Variants in STAU2 observed in about 807,000 individuals in gnomAD.
The protein encoded by STAU2 is staufen double-stranded RNA binding protein 2.
A neutral mutation model predicts 65.9 loss-of-function variants in STAU2; 20 were observed. That is an observed-to-expected ratio of 0.30 (90% CI 0.21 to 0.44). The LOEUF (loss-of-function observed/expected upper bound fraction) is 0.44, where lower values mean the gene tolerates loss of function less well. Ranked by LOEUF, STAU2 falls within the 20% of genes least tolerant of loss-of-function variation. The pLI is 1.00. For missense variants in STAU2, 558 were observed against 683.9 expected (o/e 0.82, Z 2.05); for synonymous variants, 232 against 233.9 (o/e 0.99, Z 0.07).
At chr8:73,716,987 C>G (rs547681452) in intron 3 of STAU2, among the ~76,000 whole-genome samples, 9 of 151,974 alleles carry the variant, frequency 5.9e-5, no homozygotes, top group Non-Finnish European at 1.2e-4. Flanking sequence ...TGTGATCCCA[C>G]CTACTCAGGA....
chr8:73,747,179 G>A (rs1052749037), upstream of STAU2: 6 of 542,784 alleles, frequency 1.1e-5, no homozygotes, highest in African/African-American at 8.1e-5. Context: ...ATTCCCGGGG[G>A]GCTTGGGCAC....
At chr8:73,728,681 G>T (rs1401225713) in intron 3 of STAU2, among the ~76,000 whole-genome samples, 1 of 152,108 alleles carries the variant, frequency 6.6e-6, no homozygotes, top group Non-Finnish European at 1.5e-5. Flanking sequence ...TAGGCTTTTG[G>T]ATGCTATTAT....
chr8:73,694,900 G>A lies in STAU2; in HGVS notation c.115-6087C>T, dbSNP rs183315792. On this transcript the variant is annotated intron_variant, in intron 4 of 14. Coordinates refer to ENST00000524300, the MANE Select transcript of STAU2 (RefSeq NM_001164380.2). ...GACTCAGCCAGCACCTGCACAGGGA[G>A]GGAGGATTTGGACCAGCACTAGCTG... is the stretch of plus-strand genomic sequence containing the variant. Among the ~76,000 whole-genome samples, 3 of 152,362 alleles carry A rather than the reference G, an allele frequency of 2.0e-5. No homozygotes were observed. The East Asian group carries it at 5.8e-4, about 29-fold the overall frequency.
chr8:73,738,102 T>TCATTCTAA (rs1196666044), intron 3 of STAU2, among the ~76,000 whole-genome samples, 182 bp downstream of exon 3: 1 of 152,178 alleles, frequency 6.6e-6, no homozygotes, highest in Non-Finnish European at 1.5e-5. Context: ...TTTCAGAAGA[T>TCATTCTAA]CATTCTAATC....
intron 13 of STAU2, among the ~76,000 whole-genome samples, chr8:73,536,155 G>C (rs1563407774): frequency 1.3e-5 from 2 of 152,046 alleles, no homozygotes; most frequent in Admixed American, 6.6e-5. Context: ...ACTACAAAAA[G>C]CTCTGGACGC....
At chr8:73,677,637 T>C (rs1052111333) in intron 5 of STAU2, among the ~76,000 whole-genome samples, 14 of 152,158 alleles carry the variant, frequency 9.2e-5, no homozygotes, top group African/African-American at 1.9e-4. Context: ...AATCAGAATA[T>C]TGGTTTCCTT....
chr8:73,651,349 C>T (rs1187045753), intron 6 of STAU2: 7 of 683,540 alleles, frequency 1.0e-5, no homozygotes, highest in Non-Finnish European at 1.9e-5. Flanking sequence ...TCCAGCACCA[C>T]CAGTACCTGG....
chr8:73,621,954 T>C (rs2129933085), intron 6 of STAU2, among the ~76,000 whole-genome samples: 1 of 148,362 alleles, frequency 6.7e-6, no homozygotes, highest in African/African-American at 2.5e-5. Context: ...TTTCTCTCTT[T>C]TTTTTTTTTT....
At chr8:73,601,421 A>G (rs1477471853) in intron 10 of STAU2, among the ~76,000 whole-genome samples, 1 of 152,144 alleles carries the variant, frequency 6.6e-6, no homozygotes, top group Non-Finnish European at 1.5e-5. Context: ...AAATAATGTC[A>G]TCGGAGATTT....
intron 6 of STAU2, among the ~76,000 whole-genome samples, chr8:73,633,831 A>T (rs1025405203): frequency 6.6e-6 from 1 of 152,014 alleles, no homozygotes; most frequent in Non-Finnish European, 1.5e-5. Flanking sequence ...AAATACAAAA[A>T]TTAGCCAGGC....
At chr8:73,676,849 G>A (rs1425983755) in intron 5 of STAU2, among the ~76,000 whole-genome samples, 1 of 152,172 alleles carries the variant, frequency 6.6e-6, no homozygotes, top group African/African-American at 2.4e-5. Flanking sequence ...ACCCACCTTG[G>A]CCTCCCAAAG....
rs556649913 is a variant in STAU2, at chr8:73,432,141, T to G, written c.1531-9439A>C. Among the ~76,000 whole-genome samples, 23 of 152,310 alleles carry G rather than the reference T, an allele frequency of 1.5e-4. No individual in the cohort carries two copies. In the East Asian group the frequency reaches 4.2e-3, roughly 28 times the overall value. On this transcript the variant is annotated intron_variant, in intron 13 of 14. Transcript: ENST00000524300. ...GATGGTAACAAAATATGTCTAAATG[T>G]GGCCTTCATTTTTTAAGTGTTCAAA...
At chr8:73,696,596 G>C (rs1179033658) in intron 4 of STAU2, among the ~76,000 whole-genome samples, 1 of 152,190 alleles carries the variant, frequency 6.6e-6, no homozygotes, top group Non-Finnish European at 1.5e-5. Flanking sequence ...CAACTGACAT[G>C]ATGAGGACTA....
intron 11 of STAU2, among the ~76,000 whole-genome samples, chr8:73,590,159 G>GAAGAAGAAGAAGAAAAGGTGGAGGAA (rs1810665043): frequency 1.4e-5 from 2 of 146,974 alleles, no homozygotes; most frequent in African/African-American, 5.1e-5. Context: ...AAGAGGATAA[G>GAAGAAGAAGAAGAAAAGGTGGAGGAA]AAGGAGAAGA....
intron 6 of STAU2, chr8:73,652,308 T>G (rs1006806760): frequency 2.0e-5 from 3 of 152,246 alleles, no homozygotes; most frequent in Non-Finnish European, 4.4e-5. Context: ...GACACACAAA[T>G]AAGAAGAAAA....
chr8:73,440,445 A>G (rs924274090), intron 13 of STAU2: 3 of 152,270 alleles, frequency 2.0e-5, no homozygotes, highest in Non-Finnish European at 4.4e-5. Flanking sequence ...CCGTTCCACC[A>G]GTTGCTCAGG....
rs191048623 is a variant in STAU2 at position 73,425,338 on chromosome 8, G to A, written c.1531-2636C>T. On this transcript the variant is annotated intron_variant, in intron 13 of 14. Coordinates refer to ENST00000524300, the MANE Select transcript of STAU2 (RefSeq NM_001164380.2). ...CAGACCCACACAGGGAGAACGCCAC[G>A]TGAAGATGGTGGTAGGGGCTGGAGT... Among the ~76,000 whole-genome samples, 6 of 152,310 alleles carry A rather than the reference G, an allele frequency of 3.9e-5. No individual in the cohort carries two copies. In the South Asian group the frequency reaches 8.3e-4, roughly 21 times the overall value.
chr8:73,740,721 GT>G (rs1232219341), intron 1 of STAU2, among the ~76,000 whole-genome samples: 1 of 152,108 alleles, frequency 6.6e-6, no homozygotes, highest in Admixed American at 6.5e-5. Flanking sequence ...ATCATTACTG[GT>G]CGGGTGTAGT....
intron 13 of STAU2, among the ~76,000 whole-genome samples, chr8:73,542,716 G>A (rs1440359050): frequency 6.6e-6 from 1 of 152,110 alleles, no homozygotes; most frequent in East Asian, 1.9e-4. Context: ...ATGAAATGAA[G>A]CTCATATCAT....
Sources: gnomAD v4.1 joint callset for allele counts (sites outside exome capture counted in the v4.1 genomes callset) on GRCh38, gnomAD v4.1.1 for gene constraint, MANE v1.5 for transcripts, NCBI Gene and HGNC (gene_info 2026-07-23, HGNC 2026-07-21) for gene names.